The following TENM4 variants were observed in gnomAD, a reference collection of about 807,000 sequenced individuals.
TENM4 encodes teneurin transmembrane protein 4, also known as teneurin-4.
Under a neutral mutation model 243.3 loss-of-function variants are expected in TENM4, and 82 were observed. That is an observed-to-expected ratio of 0.34 (90% CI 0.28 to 0.40). The LOEUF (loss-of-function observed/expected upper bound fraction) is 0.40, where lower values mean the gene tolerates loss of function less well. TENM4 is among the 10% of genes least tolerant of loss of function. The pLI is 1.00. For synonymous variants in TENM4, 1,412 were observed against 1,456.3 expected, an observed-to-expected ratio of 0.97 and a Z score of 0.69; for missense variants, 3,138 against 3,673.3, an observed-to-expected ratio of 0.85 and a Z score of 3.77.
intron 6 of TENM4, among the ~76,000 whole-genome samples, chr11:78,961,204 A>G (rs1470480861): frequency 6.6e-6 from 1 of 152,202 alleles, no homozygotes; most frequent in Non-Finnish European, 1.5e-5. Flanking sequence ...CACAAAACCT[A>G]CAGTGTTATT....
intron 18 of TENM4, among the ~76,000 whole-genome samples, chr11:78,763,755 T>C (rs189894060): frequency 5.3e-5 from 8 of 152,322 alleles, no homozygotes; most frequent in Non-Finnish European, 8.8e-5. Context: ...GAGACGCAAT[T>C]TGCTCCTGTG....
intron 2 of TENM4, among the ~76,000 whole-genome samples, chr11:79,288,820 T>C (rs1856304560): frequency 6.6e-6 from 1 of 151,702 alleles, no homozygotes; most frequent in Admixed American, 6.6e-5. Context: ...GAAGGAGGGA[T>C]GTCTAAGGTG....
chr11:78,899,359 G>A lies in TENM4; in HGVS notation c.749+3909C>T, dbSNP rs138713911. ...TGTAGAACCAGCACTTTGGGAGGCC[G>A]AGGCAGGAGGATTGCTTGTGCCCAG... On this transcript the variant is annotated intron_variant, in intron 7 of 33. Transcript: ENST00000278550. Among the ~76,000 whole-genome samples the A allele has an allele frequency of 2.6e-3, 402 of 152,080 alleles. 3 individuals carry two copies. Among genetic ancestry groups the A allele is most frequent in the African/African-American group, 8.9e-3 (368 of 41,470 alleles).
chr11:78,824,415 A>C (rs1857804320), intron 12 of TENM4, among the ~76,000 whole-genome samples: 1 of 152,044 alleles, frequency 6.6e-6, no homozygotes, highest in East Asian at 1.9e-4. Flanking sequence ...TGAGGACAGT[A>C]CCGAGGGGGA....
intron 1 of TENM4, among the ~76,000 whole-genome samples, chr11:79,427,677 T>A (rs1438898540): frequency 6.6e-6 from 1 of 152,210 alleles, no homozygotes; most frequent in Admixed American, 6.5e-5. Flanking sequence ...CTGTTGTTTA[T>A]ATGCATTATT....
At chr11:79,258,460 C>G (rs939324732) in intron 2 of TENM4, among the ~76,000 whole-genome samples, 6 of 152,200 alleles carry the variant, frequency 3.9e-5, no homozygotes, top group African/African-American at 1.4e-4. Flanking sequence ...TTCAATAACT[C>G]TATACAACTT....
intron 6 of TENM4, among the ~76,000 whole-genome samples, chr11:78,944,093 A>G (rs1856961462): frequency 6.6e-6 from 1 of 152,222 alleles, no homozygotes; most frequent in Non-Finnish European, 1.5e-5. Flanking sequence ...AGAGATAAGC[A>G]AAGTGAGGGC....
At chr11:79,183,009 G>C (rs893161922) in intron 3 of TENM4, among the ~76,000 whole-genome samples, 1 of 152,124 alleles carries the variant, frequency 6.6e-6, no homozygotes, top group East Asian at 1.9e-4. Flanking sequence ...AGTTTCTTAA[G>C]AAACTAAACA....
At chr11:79,066,794 T>C (rs569950375) in intron 5 of TENM4, among the ~76,000 whole-genome samples, 7 of 152,040 alleles carry the variant, frequency 4.6e-5, no homozygotes, top group Non-Finnish European at 1.0e-4. Context: ...ACTCTGGCAG[T>C]ACTCTGGACA....
At chr11:79,196,168 C>T (rs906943258) in intron 3 of TENM4, among the ~76,000 whole-genome samples, 3 of 152,052 alleles carry the variant, frequency 2.0e-5, no homozygotes, top group Non-Finnish European at 4.4e-5. Context: ...TCTTTTTGTT[C>T]CCAGTTTCGG....
At chr11:79,370,339 C>T (rs937392352) in intron 1 of TENM4, among the ~76,000 whole-genome samples, 1 of 152,228 alleles carries the variant, frequency 6.6e-6, no homozygotes, top group Non-Finnish European at 1.5e-5. Context: ...GTGCCTGACA[C>T]CACAGCTTAT....
intron 1 of TENM4, among the ~76,000 whole-genome samples, chr11:79,396,322 G>A (rs1858344086): frequency 6.6e-6 from 1 of 152,126 alleles, no homozygotes; most frequent in South Asian, 2.1e-4. Context: ...TTTGTATCAT[G>A]CTTTATATCT....
In TENM4 at chr11:78,880,134, C is replaced by T. The variant is rs139287426; in HGVS notation, c.1084+9651G>A. ...AGAAAAATTCTTCTACCTTGGGATG[C>T]TGTTAATCTATAACCTTACCCCCAA... is the stretch of plus-strand genomic sequence containing the variant. On this transcript the variant is annotated intron_variant, in intron 9 of 33. Transcript: ENST00000278550. Among the ~76,000 whole-genome samples the T allele has an allele frequency of 4.2e-3, 637 of 152,096 alleles. 6 individuals carry two copies. The highest frequency in any genetic ancestry group is 0.014 in the African/African-American group (598 of 41,338).
intron 28 of TENM4, among the ~76,000 whole-genome samples, chr11:78,689,180 C>T (rs925828816): frequency 1.3e-5 from 2 of 152,186 alleles, no homozygotes; most frequent in Admixed American, 6.5e-5. Context: ...AATCAAAATT[C>T]AAACTCAGAT....
intron 6 of TENM4, among the ~76,000 whole-genome samples, chr11:78,940,213 A>G (rs1396254250): frequency 6.6e-6 from 1 of 152,224 alleles, no homozygotes; most frequent in Non-Finnish European, 1.5e-5. Flanking sequence ...ACATTATACT[A>G]TGAGAATTTT....
At chr11:78,659,734 C>T (rs1857985105) in intron 33 of TENM4, among the ~76,000 whole-genome samples, 1 of 152,182 alleles carries the variant, frequency 6.6e-6, no homozygotes, top group African/African-American at 2.4e-5. Context: ...CTGGGGTGCC[C>T]CTACTCTTGG....
At chr11:79,190,841 C>G (rs1319134797) in intron 3 of TENM4, among the ~76,000 whole-genome samples, 1 of 69,762 alleles carries the variant, frequency 1.4e-5, no homozygotes, top group African/African-American at 8.2e-5. Context: ...CTCCCTCTCC[C>G]TCTCCCGTCT....
chr11:79,175,887 C>T (rs1235180415), intron 3 of TENM4, among the ~76,000 whole-genome samples: 1 of 152,064 alleles, frequency 6.6e-6, no homozygotes, highest in African/African-American at 2.4e-5. Context: ...GAGTTTGAGA[C>T]CAGCCTGGGC....
intron 12 of TENM4, among the ~76,000 whole-genome samples, chr11:78,830,576 A>T (rs1323333192): frequency 2.0e-5 from 3 of 152,212 alleles, no homozygotes; most frequent in Admixed American, 6.5e-5. Context: ...AGCAGGACGC[A>T]GGTGCACATC....
Sources: allele counts gnomAD v4.1 joint callset (sites outside exome capture counted in the v4.1 genomes callset), GRCh38; gene constraint gnomAD v4.1.1; transcripts MANE v1.5; gene names NCBI Gene and HGNC (gene_info 2026-07-23, HGNC 2026-07-21).